The following GALNT14 variants were observed in gnomAD, a reference collection of about 807,000 sequenced individuals.
The protein encoded by GALNT14 is polypeptide N-acetylgalactosaminyltransferase 14.
GALNT14 carries 60 observed loss-of-function variants against 77.5 expected under a neutral mutation model. That is an observed-to-expected ratio of 0.77 (90% confidence interval 0.63 to 0.96). The LOEUF is 0.96. GALNT14 is among the 40% of genes least tolerant of loss of function. The pLI is 0.00. For missense variants in GALNT14, 710 were observed against 731.0 expected, an observed-to-expected ratio of 0.97 and a Z score of 0.33; for synonymous variants, 280 against 281.7, an observed-to-expected ratio of 0.99 and a Z score of 0.06.
downstream of GALNT14, among the ~76,000 whole-genome samples, chr2:30,906,942 C>T (rs1234218776): frequency 1.3e-5 from 2 of 152,196 alleles, no homozygotes; most frequent in East Asian, 3.8e-4. Context: ...AACTGAACAA[C>T]CTGCTCCTGA....
At chr2:31,049,359 C>A (rs1673694220) in intron 1 of GALNT14, among the ~76,000 whole-genome samples, 1 of 152,224 alleles carries the variant, frequency 6.6e-6, no homozygotes, top group Non-Finnish European at 1.5e-5. Context: ...TCAGCCATCT[C>A]CAAAGTCCAG....
At chr2:30,917,990 T>C (rs1417095643) in intron 13 of GALNT14, among the ~76,000 whole-genome samples, 1 of 152,198 alleles carries the variant, frequency 6.6e-6, no homozygotes, top group Non-Finnish European at 1.5e-5. Context: ...GCTGCAGTGA[T>C]TGTACCAACT....
intron 1 of GALNT14, among the ~76,000 whole-genome samples, chr2:31,121,307 A>T (rs894753800): frequency 6.6e-6 from 1 of 152,208 alleles, no homozygotes; most frequent in Non-Finnish European, 1.5e-5. Context: ...GAAAAGCCAG[A>T]ATCAAGCCTG....
chr2:31,132,081 C>G (rs921921773), intron 1 of GALNT14, among the ~76,000 whole-genome samples: 1 of 152,182 alleles, frequency 6.6e-6, no homozygotes, highest in African/African-American at 2.4e-5. Context: ...ATTCCATCTG[C>G]AGGTCCCTGG....
chr2:31,095,395 C>G (rs892357386), intron 1 of GALNT14, among the ~76,000 whole-genome samples: 4 of 152,110 alleles, frequency 2.6e-5, no homozygotes, highest in African/African-American at 9.7e-5. Context: ...TTTTCCCACT[C>G]AGTAATAACT....
intron 1 of GALNT14, among the ~76,000 whole-genome samples, chr2:31,029,128 G>T (rs147116950): frequency 4.6e-5 from 7 of 152,172 alleles, no homozygotes; most frequent in African/African-American, 1.7e-4. Flanking sequence ...CAAGAGGCTT[G>T]AGTTTGAGTT....
chr2:31,025,979 G>C (rs542217283), intron 1 of GALNT14, among the ~76,000 whole-genome samples: 10 of 152,228 alleles, frequency 6.6e-5, no homozygotes, highest in African/African-American at 1.9e-4. Context: ...AGAGTAACCT[G>C]CTTGATGAAA....
intron 1 of GALNT14, among the ~76,000 whole-genome samples, chr2:31,070,023 C>T (rs1048586739): frequency 6.6e-6 from 1 of 152,066 alleles, no homozygotes; most frequent in Non-Finnish European, 1.5e-5. Context: ...CTTCCTGTGT[C>T]CGCTTACCCC....
chr2:31,052,530 G>A (rs1305522279), intron 1 of GALNT14, among the ~76,000 whole-genome samples: 2 of 152,162 alleles, frequency 1.3e-5, no homozygotes, highest in East Asian at 1.9e-4. Flanking sequence ...CGGGACACCA[G>A]AGCATCCTTC....
intron 1 of GALNT14, among the ~76,000 whole-genome samples, chr2:31,028,859 G>A (rs1042190238): frequency 3.9e-5 from 6 of 152,190 alleles, no homozygotes; most frequent in African/African-American, 1.4e-4. Context: ...GTGAGGAGAA[G>A]GGAAGGACGG....
chr2:30,957,253 C>A (rs1419608851), intron 4 of GALNT14, among the ~76,000 whole-genome samples: 1 of 152,122 alleles, frequency 6.6e-6, no homozygotes, highest in Non-Finnish European at 1.5e-5. Context: ...CTTATATAAA[C>A]CATATATACC....
chr2:31,095,924 T>G (rs1232880818), intron 1 of GALNT14, among the ~76,000 whole-genome samples: 1 of 152,124 alleles, frequency 6.6e-6, no homozygotes, highest in African/African-American at 2.4e-5. Flanking sequence ...TAGGCCCATA[T>G]CCAATATGGG....
intron 1 of GALNT14, among the ~76,000 whole-genome samples, chr2:31,054,785 C>A (rs769905163): frequency 3.3e-5 from 5 of 152,156 alleles, no homozygotes; most frequent in Non-Finnish European, 5.9e-5. Flanking sequence ...CTCAGCATTA[C>A]CGGTCCCCAT....
At chr2:31,000,781 C>G (rs1305414480) in intron 1 of GALNT14, among the ~76,000 whole-genome samples, 1 of 152,160 alleles carries the variant, frequency 6.6e-6, no homozygotes, top group Non-Finnish European at 1.5e-5. Context: ...TTCACAGAAA[C>G]AGCAGAATAA....
intron 1 of GALNT14, among the ~76,000 whole-genome samples, chr2:31,084,467 G>A (rs1013777135): frequency 2.0e-5 from 3 of 152,182 alleles, no homozygotes; most frequent in Admixed American, 2.0e-4. Context: ...TGTAAAGCAC[G>A]GCAGTTGATG....
At chr2:31,035,405 TTC>T (rs1468893321) in intron 1 of GALNT14, among the ~76,000 whole-genome samples, 2 of 151,898 alleles carry the variant, frequency 1.3e-5, no homozygotes, top group African/African-American at 4.8e-5. Flanking sequence ...ATTCATATGG[TTC>T]TCTTTTGTTT....
intron 1 of GALNT14, among the ~76,000 whole-genome samples, chr2:31,018,260 C>T (rs4952026): frequency 0.45 from 68,745 of 152,158 alleles, 15,863 homozygotes; most frequent in East Asian, 0.64. Context: ...TACCATATAT[C>T]ATTCACTCTT....
At position 30,938,384 on chromosome 2, in the gene GALNT14, A is replaced by ACACACACACACACTCT. The variant is rs1174119035; in HGVS notation, c.931+3816_931+3817insAGAGTGTGTGTGTGTG. ...TACACACACACACACACACACACACACTCTCTCTCTCTCTCTCTCTCTCTA... is the reference window on the plus strand; with the variant it reads ...TACACACACACACACACACACACACACACACACACACACTCTCTCTCTCTCTCTCTCTCTCTCTCTA... On this transcript the variant is annotated intron_variant, in intron 9 of 14. Transcript: ENST00000349752. 9.9e-4 allele frequency among the ~76,000 whole-genome samples: 140 copies of ACACACACACACACTCT among 141,772 alleles called. 2 individuals carry two copies. The highest frequency in any genetic ancestry group is 3.5e-3 in the African/African-American group (135 of 38,258). The allele number at this position is 141,772 out of a possible 152,430, so 93.0% of individuals were successfully genotyped here.
intron 12 of GALNT14, 128 bp downstream of exon 12, chr2:30,924,612 T>C (rs1326703166): frequency 4.2e-6 from 3 of 713,672 alleles, no homozygotes; most frequent in East Asian, 2.7e-5. Flanking sequence ...AGCCAACTGG[T>C]CTTCTTACAC....
Sources: allele counts gnomAD v4.1 joint callset (sites outside exome capture counted in the v4.1 genomes callset), GRCh38; gene constraint gnomAD v4.1.1; transcripts MANE v1.5; gene names NCBI Gene and HGNC (gene_info 2026-07-23, HGNC 2026-07-21).